The following SNTG1 variants were observed in gnomAD, a reference collection of about 807,000 sequenced individuals.
SNTG1 encodes the protein syntrophin gamma 1, also known as gamma-1-syntrophin.
A neutral mutation model predicts 74.7 loss-of-function variants in SNTG1; 39 were observed. The ratio of observed to expected loss-of-function variants is 0.52; its 90% CI spans 0.40 to 0.68. SNTG1 has a LOEUF of 0.68. Ranked by LOEUF, SNTG1 falls within the 30% of genes least tolerant of loss-of-function variation. SNTG1 has a pLI of 0.00. For synonymous variants in SNTG1, 254 were observed against 217.1 expected (o/e 1.17, Z -1.49); for missense variants, 685 against 609.5 (o/e 1.12, Z -1.30).
chr8:50,661,630 C>A (rs1361962562), intron 15 of SNTG1, among the ~76,000 whole-genome samples: 1 of 152,052 alleles, frequency 6.6e-6, no homozygotes, highest in Non-Finnish European at 1.5e-5. Flanking sequence ...GTTTGCTGCA[C>A]CTATCCACCC....
intron 1 of SNTG1, among the ~76,000 whole-genome samples, chr8:49,939,847 C>T (rs1808521154): frequency 6.6e-6 from 1 of 152,146 alleles, no homozygotes; most frequent in Admixed American, 6.5e-5. Context: ...AAGTCAGCAG[C>T]TCCTGAGAGG....
intron 12 of SNTG1, among the ~76,000 whole-genome samples, chr8:50,563,710 A>G (rs1343566352): frequency 6.6e-6 from 1 of 152,150 alleles, no homozygotes; most frequent in Non-Finnish European, 1.5e-5. Context: ...ATCAAGACAA[A>G]TAGTTTTGAA....
chr8:50,348,571 T>C (rs571682094), intron 2 of SNTG1, among the ~76,000 whole-genome samples: 18 of 152,324 alleles, frequency 1.2e-4, no homozygotes, highest in African/African-American at 3.8e-4. Flanking sequence ...GCAGGACCAA[T>C]GCACTTAATA....
At chr8:50,002,907 T>C (rs1814879117) in intron 1 of SNTG1, among the ~76,000 whole-genome samples, 1 of 152,182 alleles carries the variant, frequency 6.6e-6, no homozygotes, top group Admixed American at 6.5e-5. Context: ...TGGAATATTA[T>C]ACAGCTGTGA....
Position 50,792,529 on chromosome 8 carries a change from T to A in SNTG1, c.1396-142T>A, listed in dbSNP as rs2095693971. ...GATGTTTACACGTTGACCAAAAATGTCTACATTTGAAATTAGTTTCCACAT... is the reference window on the plus strand; with the variant it reads ...GATGTTTACACGTTGACCAAAAATGACTACATTTGAAATTAGTTTCCACAT... On this transcript the variant is annotated intron_variant, in intron 18 of 18. Coordinates refer to ENST00000642720, the MANE Select transcript of SNTG1 (RefSeq NM_018967.5). 5 of 863,888 alleles carry A rather than the reference T, an allele frequency of 5.8e-6. No homozygotes were observed. The South Asian group carries it at 5.8e-5, about 10-fold the overall frequency. The allele number at this position is 863,888 out of a possible 1,614,324, so 53.5% of individuals were successfully genotyped here.
intron 1 of SNTG1, among the ~76,000 whole-genome samples, chr8:49,971,159 A>C (rs1206392124): frequency 6.6e-6 from 1 of 152,174 alleles, no homozygotes; most frequent in Non-Finnish European, 1.5e-5. Flanking sequence ...CACATCAAAA[A>C]GCTTATTCAC....
At chr8:50,344,242 T>C (rs189059945) in intron 2 of SNTG1, among the ~76,000 whole-genome samples, 8 of 152,358 alleles carry the variant, frequency 5.3e-5, no homozygotes, top group Admixed American at 4.6e-4. Context: ...AGCAACTTAC[T>C]ATCCCAGTTA....
At chr8:50,112,515 CTTT>C (rs34942560) in intron 1 of SNTG1, among the ~76,000 whole-genome samples, 3 of 77,592 alleles carry the variant, frequency 3.9e-5, no homozygotes, top group South Asian at 5.7e-4. Flanking sequence ...TTAGTTCTTT[CTTT>C]TTTTTTTTTT....
intron 2 of SNTG1, among the ~76,000 whole-genome samples, chr8:50,242,807 A>G (rs2086225654): frequency 6.6e-6 from 1 of 150,754 alleles, no homozygotes; most frequent in Non-Finnish European, 1.5e-5. Flanking sequence ...ATCTATTTAA[A>G]GAAAATATAA....
At chr8:49,945,632 T>C (rs940075296) in intron 1 of SNTG1, among the ~76,000 whole-genome samples, 8 of 152,216 alleles carry the variant, frequency 5.3e-5, no homozygotes, top group Non-Finnish European at 1.2e-4. Context: ...GCTGGGTTCA[T>C]GCACTTTGCC....
chr8:50,361,945 A>G (rs2091970842), intron 2 of SNTG1, among the ~76,000 whole-genome samples: 1 of 152,204 alleles, frequency 6.6e-6, no homozygotes, highest in South Asian at 2.1e-4. Context: ...AAAATGGCAC[A>G]CCTATATAGA....
intron 1 of SNTG1, among the ~76,000 whole-genome samples, chr8:50,168,637 T>C (rs548410810): frequency 6.6e-6 from 1 of 152,300 alleles, no homozygotes; most frequent in South Asian, 2.1e-4. Context: ...TATTACCCAA[T>C]ATAAGAAGTG....
At chr8:50,316,124 G>A (rs2090309934) in intron 2 of SNTG1, among the ~76,000 whole-genome samples, 1 of 151,998 alleles carries the variant, frequency 6.6e-6, no homozygotes, top group East Asian at 1.9e-4. Context: ...TTATCTCTCA[G>A]TCTTGTCACT....
chr8:50,057,531 A>G (rs1282675291), intron 1 of SNTG1, among the ~76,000 whole-genome samples: 3 of 152,166 alleles, frequency 2.0e-5, no homozygotes, highest in Non-Finnish European at 4.4e-5. Flanking sequence ...AAGATCTGGT[A>G]CTAACCTGGG....
intron 1 of SNTG1, among the ~76,000 whole-genome samples, chr8:50,121,867 C>G (rs1457812963): frequency 7.1e-6 from 1 of 141,812 alleles, no homozygotes; most frequent in Non-Finnish European, 1.6e-5. Flanking sequence ...AAGCTTGAAA[C>G]TAAATTGGAG....
intron 12 of SNTG1, among the ~76,000 whole-genome samples, chr8:50,571,115 T>C (rs913485471): frequency 2.6e-5 from 4 of 152,132 alleles, no homozygotes; most frequent in Admixed American, 2.6e-4. Context: ...CCTGCCCCCA[T>C]GCCCCTCTTT....
intron 8 of SNTG1, among the ~76,000 whole-genome samples, chr8:50,490,083 A>T (rs937262643): frequency 1.4e-4 from 22 of 152,060 alleles, no homozygotes; most frequent in African/African-American, 5.3e-4. Flanking sequence ...ATGGTTGTAG[A>T]TGTGTAGCAT....
Position 50,590,914 on chromosome 8 carries a change from G to T in SNTG1, c.846G>T (p.Gln282His). ...KKINRNFPVN[Q>H]QIVYMGWCEA... ...TCAACAGAAACTTTCCTGTAAACCA[G>T]CAGGTAAGATCAAAGCATACTTGGA... The change falls in exon 13 of 19, where the codon CAG becomes CAT. Residue 282 changes from glutamine (Q) to histidine (H), a missense_variant. By Grantham distance (24) the Gln-to-His change is conservative. Coordinates refer to ENST00000642720, the MANE Select transcript of SNTG1 (RefSeq NM_018967.5). 6.4e-7 allele frequency: 1 copy of T among 1,567,450 alleles called. No homozygotes were observed. Among genetic ancestry groups the T allele is most frequent in the Non-Finnish European group, 8.7e-7 (1 of 1,152,892 alleles).
At chr8:50,480,586 A>G (rs1266130216) in intron 8 of SNTG1, among the ~76,000 whole-genome samples, 1 of 152,192 alleles carries the variant, frequency 6.6e-6, no homozygotes, top group East Asian at 1.9e-4. Flanking sequence ...TTAGAGTAGT[A>G]TTGTCTTTTG....
Sources: gnomAD v4.1 joint callset for allele counts (sites outside exome capture counted in the v4.1 genomes callset) on GRCh38, gnomAD v4.1.1 for gene constraint, MANE v1.5 for transcripts, NCBI Gene and HGNC (gene_info 2026-07-23, HGNC 2026-07-21) for gene names.